The following CEP104 variants were observed in gnomAD, a reference collection of about 807,000 sequenced individuals.
CEP104 encodes the protein centrosomal protein of 104 kDa.
A neutral mutation model predicts 113.3 loss-of-function variants in CEP104; 84 were observed. The ratio of observed to expected loss-of-function variants is 0.74; its 90% CI spans 0.62 to 0.89. CEP104 has a LOEUF of 0.89. Among genes scored for constraint, CEP104 ranks in the 40% least tolerant of loss-of-function variants. CEP104 has a pLI of 0.00. For synonymous variants in CEP104, 378 were observed against 421.7 expected, an observed-to-expected ratio of 0.90 and a Z score of 1.27; for missense variants, 1,053 against 1,156.6, an observed-to-expected ratio of 0.91 and a Z score of 1.30.
intron 1 of CEP104, among the ~76,000 whole-genome samples, chr1:3,853,956 G>C (rs1445932228): frequency 6.6e-6 from 1 of 152,138 alleles, no homozygotes; most frequent in African/African-American, 2.4e-5. Flanking sequence ...AAAGAATTTT[G>C]AAAGGATGAG....
At chr1:3,816,054 C>A (rs1570757192) in intron 21 of CEP104, 2 of 498,572 alleles carry the variant, frequency 4.0e-6, no homozygotes, top group East Asian at 3.4e-5. Flanking sequence ...ACCCGTGGAG[C>A]CTTCGCACTG....
Position 3,826,865 on chromosome 1 carries a change from T to G in CEP104, c.2152-121A>C, listed in dbSNP as rs1461719751. 8 of 999,632 alleles carry G rather than the reference T, an allele frequency of 8.0e-6. No individual in the cohort carries two copies. The Admixed American group carries it at 2.0e-4, about 25-fold the overall frequency. The allele number at this position is 999,632 out of a possible 1,614,324, so 61.9% of individuals were successfully genotyped here. On this transcript the variant is annotated intron_variant, in intron 15 of 21. Coordinates refer to ENST00000378230, the MANE Select transcript of CEP104 (RefSeq NM_014704.4). Reference sequence around the variant, plus strand: ...CTGGGTTTTGTTTTAGAATTTCTACTGGCTGGCAAGGTGGCTCATGCCCGT... The same window carrying G: ...CTGGGTTTTGTTTTAGAATTTCTACGGGCTGGCAAGGTGGCTCATGCCCGT...
At position 3,819,561 on chromosome 1, in the gene CEP104, T is replaced by C. The variant is rs1307816212; in HGVS notation, c.2572-3191A>G. Among the ~76,000 whole-genome samples, 1 of 151,998 alleles carries C rather than the reference T, an allele frequency of 6.6e-6. No homozygotes were observed. Among genetic ancestry groups the C allele is most frequent in the African/African-American group, 2.4e-5 (1 of 41,380 alleles). ...AGAAATCCCAGCCAAACACAAATACTAGAATTGGAAAGTACCAGATTGAAA... is the reference window on the plus strand; with the variant it reads ...AGAAATCCCAGCCAAACACAAATACCAGAATTGGAAAGTACCAGATTGAAA... On this transcript the variant is annotated intron_variant, in intron 20 of 21. Transcript: ENST00000378230. This position sits in a 1 kb window ranked among gnomAD's most constrained non-coding sequence, Gnocchi z 4.6.
In CEP104 at chr1:3,852,415, G is replaced by C. The variant is rs746769978; in HGVS notation, c.-8C>G. 29 of 1,611,270 alleles carry C rather than the reference G, an allele frequency of 1.8e-5. No individual in the cohort carries two copies. Among genetic ancestry groups the C allele is most frequent in the Non-Finnish European group, 2.2e-5 (26 of 1,178,764 alleles). ...TCCAATCTTGTGGGGCATTCTGCAC[G>C]TTTGGGCTGTTTATAAGAGCAGGAA... On this transcript the variant is annotated 5_prime_UTR_variant, in exon 2 of 22. Coordinates refer to ENST00000378230, the MANE Select transcript of CEP104 (RefSeq NM_014704.4).
At position 3,813,378 on chromosome 1, in the gene CEP104, G is replaced by C. The variant is rs1443511342; in HGVS notation, c.*2024C>G. On this transcript the variant is annotated 3_prime_UTR_variant, in exon 22 of 22. Coordinates refer to ENST00000378230, the MANE Select transcript of CEP104 (RefSeq NM_014704.4). ...CAATTTTCCTGCCTCAGCCTCTCAA[G>C]TAGCTGGGACTACAGGCCACCACGC... 6.6e-6 allele frequency: 1 copy of C among 151,400 alleles called. No individual in the cohort carries two copies. Among genetic ancestry groups the C allele is most frequent in the Non-Finnish European group, 1.5e-5 (1 of 67,916 alleles). The allele number at this position is 151,400 out of a possible 1,614,324, so 9.4% of individuals were successfully genotyped here.
intron 18 of CEP104, 25 bp downstream of exon 18, chr1:3,825,733 C>T (rs781635706): frequency 1.4e-6 from 2 of 1,467,796 alleles, no homozygotes; most frequent in Non-Finnish European, 1.9e-6. Flanking sequence ...ATGCAAGTAG[C>T]TGGCTGCTGT....
At chr1:3,844,842 G>A in intron 6 of CEP104, 65 bp downstream of exon 6, 1 of 1,353,070 alleles carries the variant, frequency 7.4e-7, no homozygotes, top group Non-Finnish European at 1.1e-6. Flanking sequence ...CTTTGGAAAT[G>A]ACTGACCCTT....
chr1:3,843,376 ATTTTTTTTT>A, intron 6 of CEP104: 1 of 342,024 alleles, frequency 2.9e-6, no homozygotes, highest in Non-Finnish European at 5.3e-6. Context: ...AATATGTATA[ATTTTTTTTT>A]TTTTTTTTTG....
At chr1:3,847,358 GA>G (rs1332078901) in intron 4 of CEP104, 116 bp downstream of exon 4, 2 of 1,063,284 alleles carry the variant, frequency 1.9e-6, no homozygotes, top group African/African-American at 3.2e-5. Context: ...CAGTCTCCCA[GA>G]AGAGATCCTC....
chr1:3,829,192 G>T, intron 15 of CEP104, 74 bp downstream of exon 15: 1 of 1,012,268 alleles, frequency 9.9e-7, no homozygotes, highest in Non-Finnish European at 1.4e-6. Context: ...AATAAGTCAA[G>T]TATGATGTGG....
In CEP104 at chr1:3,845,318, G is replaced by C; in HGVS notation, c.460C>G (p.Pro154Ala). The change falls in exon 5 of 22, where the codon CCT (proline) becomes GCT (alanine). Residue 154 changes from proline to alanine, a missense_variant. By Grantham distance (27) the Pro-to-Ala change is conservative. Transcript: ENST00000378230. ...TTGCTTTCATCACTGAAATCTGCAGGGTCTCCAATGATATTTATGGCAACC... is the reference window on the plus strand; with the variant it reads ...TTGCTTTCATCACTGAAATCTGCAGCGTCTCCAATGATATTTATGGCAACC... ...ALVAINIIGDPADFSDESNTA... is the reference protein window; with the variant it reads ...ALVAINIIGDAADFSDESNTA... 6.2e-7 allele frequency: 1 copy of C among 1,608,370 alleles called. No homozygotes were observed. The highest frequency in any genetic ancestry group is 8.5e-7 in the Non-Finnish European group (1 of 1,176,042).
Position 3,844,955 on chromosome 1 carries a change from T to G in CEP104, c.518A>C (p.Tyr173Ser), listed in dbSNP as rs1314139733. The G allele has an allele frequency of 6.2e-7, 1 of 1,614,094 alleles. No individual in the cohort carries two copies. The highest frequency in any genetic ancestry group is 8.5e-7 in the Non-Finnish European group (1 of 1,180,008). The change falls in exon 6 of 22, where the codon TAC becomes TCC. Residue 173 changes from tyrosine (Y) to serine (S), a missense_variant. Transcript: ENST00000378230. ...TASREKLIDH[Y>S]LGHNSEDPAL... Reference sequence around the variant, plus strand: ...AGGGTCCTCGCTGTTGTGCCCAAGGTAGTGGTCAATCAACTTCTCTCGAGA... The same window carrying G: ...AGGGTCCTCGCTGTTGTGCCCAAGGGAGTGGTCAATCAACTTCTCTCGAGA...
At chr1:3,834,734 C>T (rs781044694) in intron 11 of CEP104, among the ~76,000 whole-genome samples, 191 bp downstream of exon 11, 1 of 152,164 alleles carries the variant, frequency 6.6e-6, no homozygotes, top group Admixed American at 6.5e-5. Flanking sequence ...TTTCCCAGAC[C>T]CTTCATGTAA....
chr1:3,837,993 T>C (rs1644346611), intron 8 of CEP104, among the ~76,000 whole-genome samples: 1 of 152,240 alleles, frequency 6.6e-6, no homozygotes, highest in African/African-American at 2.4e-5. Context: ...GGCATGGTAC[T>C]GAGTGTTTTG....
intron 1 of CEP104, among the ~76,000 whole-genome samples, chr1:3,854,892 G>GTA (rs1644684534): frequency 1.0e-5 from 1 of 100,346 alleles, no homozygotes; most frequent in Non-Finnish European, 2.0e-5. Flanking sequence ...TTTTTTTTGA[G>GTA]AGAGGGTCTC....
chr1:3,855,466 G>A (rs1205407843), intron 1 of CEP104, among the ~76,000 whole-genome samples: 2 of 151,920 alleles, frequency 1.3e-5, no homozygotes, highest in African/African-American at 2.4e-5. Context: ...GCCGAGCCTG[G>A]CTAGTCTCTG....
At chr1:3,816,394 G>A (rs1213421771) in intron 20 of CEP104, 24 bp from the exon 21 acceptor site, 3 of 1,538,798 alleles carry the variant, frequency 1.9e-6, no homozygotes, top group Admixed American at 2.0e-5. Flanking sequence ...GGCACACAGA[G>A]TGTTAATCAG....
chr1:3,825,959 C>T (rs1644082506), intron 17 of CEP104, 93 bp from the exon 18 acceptor site: 2 of 875,370 alleles, frequency 2.3e-6, no homozygotes, highest in Admixed American at 3.8e-5. Flanking sequence ...CTGAATTTCC[C>T]CAGTCCCTGT....
chr1:3,817,835 G>A (rs1643903380), intron 20 of CEP104, among the ~76,000 whole-genome samples: 1 of 152,334 alleles, frequency 6.6e-6, no homozygotes, highest in South Asian at 2.1e-4. Context: ...GAACTCATGC[G>A]CCTGGGCTTG....
Sources: gnomAD v4.1 joint callset for allele counts (sites outside exome capture counted in the v4.1 genomes callset) on GRCh38, gnomAD v4.1.1 for gene constraint, Gnocchi (gnomAD v3.1) non-coding constraint, MANE v1.5 for transcripts, NCBI Gene and HGNC (gene_info 2026-07-23, HGNC 2026-07-21) for gene names.